The following CCDC150 variants were observed in gnomAD, a reference collection of about 807,000 sequenced individuals.
CCDC150 encodes the protein coiled-coil domain-containing protein 150.
A neutral mutation model predicts 156.5 loss-of-function variants in CCDC150; 151 were observed. The ratio of observed to expected loss-of-function variants is 0.97; its 90% CI spans 0.85 to 1.10. CCDC150 has a LOEUF of 1.10. Ranked by LOEUF, CCDC150 falls within the 50% of genes least tolerant of loss-of-function variation. The pLI, the probability that CCDC150 is intolerant of heterozygous loss-of-function variation, is 0.00. For missense variants in CCDC150, 1,312 were observed against 1,268.1 expected, an observed-to-expected ratio of 1.03 and a Z score of -0.53; for synonymous variants, 452 against 429.4, an observed-to-expected ratio of 1.05 and a Z score of -0.65.
At chr2:196,669,735 C>A in intron 7 of CCDC150, 98 bp from the exon 8 acceptor site, 1 of 838,630 alleles carries the variant, frequency 1.2e-6, no homozygotes, top group Non-Finnish European at 2.0e-6. Flanking sequence ...CTCCTTATCT[C>A]TACAAAAAAT....
chr2:196,718,341 G>C, intron 17 of CCDC150, 162 bp from the exon 18 acceptor site: 1 of 454,196 alleles, frequency 2.2e-6, no homozygotes, highest in South Asian at 4.8e-5. Context: ...AGATATTTTT[G>C]TTGTAGTTTC....
intron 19 of CCDC150, chr2:196,720,286 A>G (rs1697803548): frequency 2.8e-6 from 1 of 362,050 alleles, no homozygotes; most frequent in African/African-American, 2.1e-5. Flanking sequence ...TCTTTTTTAC[A>G]TAGTATGAAA....
intron 11 of CCDC150, 71 bp downstream of exon 11, chr2:196,676,338 C>A: frequency 6.4e-7 from 1 of 1,555,440 alleles, no homozygotes; most frequent in Admixed American, 1.8e-5. Context: ...ATGTGTCCGT[C>A]TCAGTCTTAT....
intron 13 of CCDC150, among the ~76,000 whole-genome samples, chr2:196,687,697 A>G (rs979660419): frequency 2.0e-5 from 3 of 152,044 alleles, no homozygotes; most frequent in Non-Finnish European, 2.9e-5. Context: ...GAATAGTATT[A>G]CCTAGGTTGT....
In CCDC150 at chr2:196,689,504, G is replaced by A. The variant is rs1029046972; in HGVS notation, c.1510-5542G>A. Among the ~76,000 whole-genome samples the A allele has an allele frequency of 5.8e-3, 881 of 152,054 alleles. 4 individuals carry two copies. The highest frequency in any genetic ancestry group is 0.02 in the African/African-American group (815 of 41,426). The stretch of plus-strand genomic sequence containing the variant: ...TCCTAGGTATTTTATTCTCTTTGAA[G>A]CAATTGTGAATGGGAGTTCAGTCAT... On this transcript the variant is annotated intron_variant, in intron 13 of 27. Coordinates refer to ENST00000389175, the MANE Select transcript of CCDC150 (RefSeq NM_001080539.2).
At chr2:196,689,100 C>T (rs1248741853) in intron 13 of CCDC150, among the ~76,000 whole-genome samples, 3 of 152,068 alleles carry the variant, frequency 2.0e-5, no homozygotes, top group Non-Finnish European at 4.4e-5. Context: ...TTCCATTGAT[C>T]TATATCTGTG....
intron 20 of CCDC150, among the ~76,000 whole-genome samples, chr2:196,721,062 C>T (rs982270485): frequency 1.3e-5 from 2 of 151,892 alleles, no homozygotes; most frequent in Non-Finnish European, 2.9e-5. Context: ...TACATGCATA[C>T]ATATCTATAT....
At position 196,719,658 on chromosome 2, in the gene CCDC150, G is replaced by A; in HGVS notation, c.2157G>A (p.Lys719=). ...GGGATTCAGAGATTGCAGGCCTCAA[G>A]AAAGAAAGGTACCTGTGGTTTTTTT... is the stretch of plus-strand genomic sequence containing the variant. ...GRRDSEIAGL[K]KERDLNQQRV... is the part of the protein sequence containing the mutation. The change falls in exon 19 of 28, where the codon AAG becomes AAA. Residue 719 remains lysine (K), a synonymous_variant. Transcript: ENST00000389175. 6.2e-7 allele frequency: 1 copy of A among 1,606,590 alleles called. No homozygotes were observed. Among genetic ancestry groups the A allele is most frequent in the Non-Finnish European group, 8.5e-7 (1 of 1,177,050 alleles).
Position 196,726,068 on chromosome 2 carries a change from CAAAG to C in CCDC150, c.2530_2533del (p.Lys844TrpfsTer9), listed in dbSNP as rs1453083525. On this transcript the variant is annotated frameshift_variant, in exon 22 of 28. Transcript: ENST00000389175. LOFTEE classifies it high-confidence loss of function. ...CAGTTTCAAACCGAGAGAGAAACTACAAAGAAAGTGGCACAACGGGAAGTGGCTG... is the reference window on the plus strand; with the variant it reads ...CAGTTTCAAACCGAGAGAGAAACTACAAAGTGGCACAACGGGAAGTGGCTG... The C allele has an allele frequency of 6.2e-7, 1 of 1,613,044 alleles. No homozygotes were observed. The highest frequency in any genetic ancestry group is 1.1e-5 in the South Asian group (1 of 90,732).
At chr2:196,730,821 G>A in intron 25 of CCDC150, 38 bp from the exon 26 acceptor site, 1 of 1,476,604 alleles carries the variant, frequency 6.8e-7, no homozygotes, top group East Asian at 2.4e-5. Context: ...CTTATGGTAT[G>A]TTGGAAGTTT....
chr2:196,680,148 G>A (rs976536431), intron 13 of CCDC150, among the ~76,000 whole-genome samples: 1 of 151,980 alleles, frequency 6.6e-6, no homozygotes, highest in African/African-American at 2.4e-5. Context: ...AAAAAATTTT[G>A]TGGATCATAC....
intron 26 of CCDC150, 127 bp downstream of exon 26, chr2:196,731,072 A>G (rs752688594): frequency 1.6e-6 from 1 of 628,112 alleles, no homozygotes; most frequent in Non-Finnish European, 2.8e-6. Flanking sequence ...AAGAACGAGT[A>G]ACTTCCTAAG....
At chr2:196,719,382 C>A (rs935802174) in intron 18 of CCDC150, 115 bp from the exon 19 acceptor site, 4 of 722,690 alleles carry the variant, frequency 5.5e-6, no homozygotes, top group Non-Finnish European at 8.6e-6. Context: ...CCACTAGCAT[C>A]CTACTGTGTC....
intron 1 of CCDC150, among the ~76,000 whole-genome samples, 183 bp from the exon 2 acceptor site, chr2:196,646,158 A>G (rs1167012249): frequency 6.6e-6 from 1 of 152,180 alleles, no homozygotes; most frequent in Non-Finnish European, 1.5e-5. Context: ...GGGAAAAGAG[A>G]GAGATGGTGA....
chr2:196,690,479 CATATAA>C (rs1695394020), intron 13 of CCDC150, among the ~76,000 whole-genome samples: 1 of 151,868 alleles, frequency 6.6e-6, no homozygotes, highest in Non-Finnish European at 1.5e-5. Context: ...TAGGTAAATT[CATATAA>C]ATACATATAC....
In CCDC150 at chr2:196,720,606, G is replaced by A. The variant is rs1697824933; in HGVS notation, c.2197G>A (p.Glu733Lys). Reference protein sequence around the residue: ...DLNQQRVQKLEAEVDQWQARM... With the variant: ...DLNQQRVQKLKAEVDQWQARM... ...CAATCAACAGAGGGTGCAGAAGCTG[G>A]AAGCTGAAGTGGACCAGTGGCAGGC... The change falls in exon 20 of 28, where the codon GAA becomes AAA. Residue 733 changes from glutamate (E) to lysine (K), a missense_variant. Coordinates refer to ENST00000389175, the MANE Select transcript of CCDC150 (RefSeq NM_001080539.2). 5 of 1,613,910 alleles carry A rather than the reference G, an allele frequency of 3.1e-6. No homozygotes were observed. The South Asian group carries it at 5.5e-5, about 18-fold the overall frequency.
At chr2:196,725,887 G>A in intron 21 of CCDC150, 86 bp from the exon 22 acceptor site, 7 of 1,267,996 alleles carry the variant, frequency 5.5e-6, no homozygotes, top group South Asian at 3.0e-5. Flanking sequence ...CACACCTTTT[G>A]GAGAGTTGCA....
chr2:196,641,526 C>T (rs1478532334), intron 1 of CCDC150, among the ~76,000 whole-genome samples: 2 of 152,148 alleles, frequency 1.3e-5, no homozygotes, highest in African/African-American at 2.4e-5. Context: ...GCCCTGTAGC[C>T]TCCATACCAT....
chr2:196,655,778 G>T (rs1693151823), intron 2 of CCDC150, among the ~76,000 whole-genome samples: 1 of 152,060 alleles, frequency 6.6e-6, no homozygotes, highest in African/African-American at 2.4e-5. Flanking sequence ...GGTTTAAGAT[G>T]CAGTCCCTCA....
Sources: allele counts gnomAD v4.1 joint callset (sites outside exome capture counted in the v4.1 genomes callset), GRCh38; gene constraint gnomAD v4.1.1; transcripts MANE v1.5; gene names NCBI Gene and HGNC (gene_info 2026-07-23, HGNC 2026-07-21).